Variants in TGFBR3 observed in about 807,000 individuals in gnomAD.
TGFBR3 encodes the protein transforming growth factor beta receptor type 3.
A neutral mutation model predicts 87.9 loss-of-function variants in TGFBR3; 46 were observed. The ratio of observed to expected loss-of-function variants is 0.52; its 90% CI spans 0.41 to 0.67. The LOEUF is 0.67. Among genes scored for constraint, TGFBR3 ranks in the 30% least tolerant of loss-of-function variants. The probability of loss-of-function intolerance (pLI) is 0.00; values close to 1 mark genes in which losing one functional copy is unlikely to be tolerated. For synonymous variants in TGFBR3, 381 were observed against 391.6 expected, an observed-to-expected ratio of 0.97 and a Z score of 0.32; for missense variants, 866 against 1,041.9, an observed-to-expected ratio of 0.83 and a Z score of 2.32.
chr1:91,835,300 C>T (rs1271056199), intron 2 of TGFBR3, among the ~76,000 whole-genome samples: 1 of 152,196 alleles, frequency 6.6e-6, no homozygotes, highest in East Asian at 1.9e-4. Context: ...TTCACTGTCA[C>T]CATTCAGATG....
Position 91,823,632 on chromosome 1 carries a change from A to C in TGFBR3, c.62-26161T>G, listed in dbSNP as rs138142290. ...ATAGAAGTCAGACACAAAAGAGCAC[A>C]TGAACTTCTAGAACAGGCAAAACTA... On this transcript the variant is annotated intron_variant, in intron 2 of 16. Transcript: ENST00000212355. 3.2e-3 allele frequency among the ~76,000 whole-genome samples: 495 copies of C among 152,370 alleles called. 5 individuals carry two copies. Among genetic ancestry groups the C allele is most frequent in the Middle Eastern group, 0.01 (3 of 294 alleles).
At chr1:91,872,919 A>C (rs1477465845) in intron 1 of TGFBR3, among the ~76,000 whole-genome samples, 1 of 151,942 alleles carries the variant, frequency 6.6e-6, no homozygotes, top group African/African-American at 2.4e-5. Flanking sequence ...GCTTTTTAAA[A>C]ATCAGATTCT....
intron 3 of TGFBR3, among the ~76,000 whole-genome samples, chr1:91,792,740 G>A (rs1030184553): frequency 2.0e-5 from 3 of 152,122 alleles, no homozygotes; most frequent in Non-Finnish European, 2.9e-5. Flanking sequence ...ACAAGGGGGC[G>A]GCTGCATTTT....
chr1:91,807,203 C>T (rs529078714), intron 2 of TGFBR3, among the ~76,000 whole-genome samples: 1 of 152,348 alleles, frequency 6.6e-6, no homozygotes, highest in African/African-American at 2.4e-5. Context: ...TACCACAGCT[C>T]CTACCTGGGT....
chr1:91,881,004 A>G (rs979339906), intron 1 of TGFBR3, among the ~76,000 whole-genome samples: 1 of 152,074 alleles, frequency 6.6e-6, no homozygotes, highest in Non-Finnish European at 1.5e-5. Context: ...CAATGAAAGC[A>G]CCACAAAAAG....
At chr1:91,803,557 G>GA (rs1424257656) in intron 2 of TGFBR3, among the ~76,000 whole-genome samples, 3 of 151,810 alleles carry the variant, frequency 2.0e-5, no homozygotes, top group African/African-American at 7.3e-5. Context: ...TTTTTAATAG[G>GA]AAACAAATGT....
intron 2 of TGFBR3, among the ~76,000 whole-genome samples, chr1:91,800,003 G>A (rs549429649): frequency 9.5e-4 from 144 of 152,008 alleles, no homozygotes; most frequent in Middle Eastern, 3.4e-3. Context: ...CTCTAGCCAC[G>A]GGTTGGTTAT....
intron 3 of TGFBR3, chr1:91,770,785 C>A (rs6700529): frequency 0.13 from 19,258 of 152,112 alleles, 1,398 homozygotes; most frequent in African/African-American, 0.18. Context: ...TTAAACTGCC[C>A]CAAACAGGAA....
chr1:91,792,190 C>A (rs940274603), intron 3 of TGFBR3, among the ~76,000 whole-genome samples: 6 of 152,158 alleles, frequency 3.9e-5, no homozygotes, highest in African/African-American at 7.2e-5. Flanking sequence ...AAATGGCTCG[C>A]AAGCTGCACC....
intron 2 of TGFBR3, among the ~76,000 whole-genome samples, chr1:91,799,419 T>C (rs1313291461): frequency 6.6e-6 from 1 of 152,158 alleles, no homozygotes; most frequent in Non-Finnish European, 1.5e-5. Flanking sequence ...GGGGAAACCA[T>C]ATGGGCAGGT....
At chr1:91,782,437 C>CGTGTT (rs1557707638) in intron 3 of TGFBR3, among the ~76,000 whole-genome samples, 3 of 152,202 alleles carry the variant, frequency 2.0e-5, no homozygotes, top group Non-Finnish European at 4.4e-5. Flanking sequence ...TGTGTCCCAA[C>CGTGTT]GGACCTTTGG....
intron 4 of TGFBR3, among the ~76,000 whole-genome samples, chr1:91,750,739 G>A (rs184166584): frequency 5.7e-4 from 87 of 152,294 alleles, no homozygotes; most frequent in African/African-American, 1.8e-3. Context: ...TGGTATATCC[G>A]GGTCCCTGGA....
At chr1:91,812,287 G>A (rs60737872) in intron 2 of TGFBR3, among the ~76,000 whole-genome samples, 1,787 of 151,952 alleles carry the variant, frequency 0.012, 33 homozygotes, top group African/African-American at 0.041. Context: ...CCACCTTTCC[G>A]CCACACAATA....
intron 14 of TGFBR3, among the ~76,000 whole-genome samples, chr1:91,703,315 C>T (rs1671686272): frequency 6.6e-6 from 1 of 152,154 alleles, no homozygotes; most frequent in Non-Finnish European, 1.5e-5. Flanking sequence ...ACAACTTTCC[C>T]TTCCTCAACC....
intron 3 of TGFBR3, chr1:91,783,241 A>G (rs7534318): frequency 0.15 from 22,991 of 151,238 alleles, 2,349 homozygotes; most frequent in African/African-American, 0.28. Context: ...GAGTTGTACA[A>G]ATTTCAGGTT....
chr1:91,831,895 T>C (rs1032370877), intron 2 of TGFBR3, among the ~76,000 whole-genome samples: 10 of 152,238 alleles, frequency 6.6e-5, no homozygotes, highest in Admixed American at 2.0e-4. Flanking sequence ...TGCTGCATTC[T>C]CTGTAGAGAC....
chr1:91,719,982 C>T lies in TGFBR3; in HGVS notation c.1324G>A (p.Glu442Lys). 1 of 1,614,218 alleles carries T rather than the reference C, an allele frequency of 6.2e-7. No individual in the cohort carries two copies. Residue 442 changes from glutamate to lysine, a missense_variant, in exon 9 of 17, where the codon GAA becomes AAA. Transcript: ENST00000212355. ...ATATCCACGCTCCCTTGCACCTCTT[C>T]TGGCTCTCTGAGACCAGGAAACAGT... ...IQLFPGLREP[E>K]EVQGSVDIAL... is the part of the protein sequence containing the mutation.
At chr1:91,833,295 C>CAA (rs33915205) in intron 2 of TGFBR3, among the ~76,000 whole-genome samples, 19,192 of 31,814 alleles carry the variant, frequency 0.6, 6,394 homozygotes, top group African/African-American at 0.74. Context: ...GACTCCGACT[C>CAA]AAAAAAAAAA....
intron 16 of TGFBR3, among the ~76,000 whole-genome samples, chr1:91,693,670 G>A (rs1397190296): frequency 6.6e-6 from 1 of 152,138 alleles, no homozygotes; most frequent in Non-Finnish European, 1.5e-5. Flanking sequence ...GAGTGCAGCT[G>A]TGTGACCAAG....
Sources: gnomAD v4.1 joint callset for allele counts (sites outside exome capture counted in the v4.1 genomes callset) on GRCh38, gnomAD v4.1.1 for gene constraint, MANE v1.5 for transcripts, NCBI Gene and HGNC (gene_info 2026-07-23, HGNC 2026-07-21) for gene names.